The following RANBP3L variants were observed in gnomAD, a reference collection of about 807,000 sequenced individuals.
RANBP3L encodes the protein RAN binding protein 3 like.
RANBP3L carries 56 observed loss-of-function variants against 67.2 expected under a neutral mutation model. The observed-to-expected ratio is 0.83, with a 90% CI of 0.67 to 1.04. The LOEUF (loss-of-function observed/expected upper bound fraction) is 1.04, where lower values mean the gene tolerates loss of function less well. Among genes scored for constraint, RANBP3L ranks in the 50% least tolerant of loss-of-function variants. The probability of loss-of-function intolerance (pLI) is 0.00; values close to 1 mark genes in which losing one functional copy is unlikely to be tolerated. For missense variants in RANBP3L, 496 were observed against 535.5 expected, an observed-to-expected ratio of 0.93 and a Z score of 0.73; for synonymous variants, 164 against 181.4, an observed-to-expected ratio of 0.90 and a Z score of 0.77.
rs1237074016 is a variant in RANBP3L, at chr5:36,264,989, A to C, written c.450T>G (p.Ser150=). Residue 150 remains serine (S), a synonymous_variant, in exon 6 of 14, where the codon TCT becomes TCG. Transcript: ENST00000296604. ...RKTFGHKALE[S]CKTKEKTNNK... ...TATTTGTTTTTTCTTTAGTCTTGCA[A>C]GATTCCAGTGCCTTGTGTCCAAATG... 1 of 1,613,686 alleles carries C rather than the reference A, an allele frequency of 6.2e-7. No individual in the cohort carries two copies. Among genetic ancestry groups the C allele is most frequent in the Non-Finnish European group, 8.5e-7 (1 of 1,179,858 alleles).
chr5:36,290,775 AGACTG>A (rs1751682811), intron 1 of RANBP3L, among the ~76,000 whole-genome samples: 2 of 121,724 alleles, frequency 1.6e-5, no homozygotes, highest in African/African-American at 3.3e-5. Context: ...TCTGTTGCCC[AGACTG>A]GAGTGCAGTG....
At chr5:36,289,678 T>C (rs1320362773) in intron 1 of RANBP3L, among the ~76,000 whole-genome samples, 1 of 152,184 alleles carries the variant, frequency 6.6e-6, no homozygotes, top group Admixed American at 6.6e-5. Flanking sequence ...AATTTCCACT[T>C]GTTGTCAGCT....
chr5:36,250,041 T>G (rs1035893484), intron 13 of RANBP3L, among the ~76,000 whole-genome samples: 1 of 151,994 alleles, frequency 6.6e-6, no homozygotes, highest in Non-Finnish European at 1.5e-5. Flanking sequence ...TTGCTTTGCC[T>G]TATTTTCATT....
chr5:36,281,634 TGA>T (rs1750979608), intron 1 of RANBP3L, among the ~76,000 whole-genome samples: 1 of 152,154 alleles, frequency 6.6e-6, no homozygotes, highest in Admixed American at 6.6e-5. Context: ...CTATATTGTG[TGA>T]GTCTTCCTGC....
intron 6 of RANBP3L, among the ~76,000 whole-genome samples, chr5:36,263,637 C>A (rs138024936): frequency 2.4e-4 from 36 of 152,206 alleles, no homozygotes; most frequent in Admixed American, 7.2e-4. Context: ...TTCACTGCAA[C>A]CTCCACTTCC....
At chr5:36,295,087 AG>A (rs1355495211) in intron 1 of RANBP3L, among the ~76,000 whole-genome samples, 1 of 151,872 alleles carries the variant, frequency 6.6e-6, no homozygotes, top group Non-Finnish European at 1.5e-5. Context: ...CCATGAGCAT[AG>A]GTGCACAAGT....
intron 4 of RANBP3L, chr5:36,268,306 G>C (rs996812079): frequency 7.1e-7 from 1 of 1,411,194 alleles, no homozygotes; most frequent in African/African-American, 1.5e-5. Flanking sequence ...TAAGAAAGTG[G>C]GTTTTTTGTT....
intron 1 of RANBP3L, among the ~76,000 whole-genome samples, chr5:36,278,686 G>C (rs557436008): frequency 1.9e-3 from 291 of 152,196 alleles, no homozygotes; most frequent in Non-Finnish European, 2.8e-3. Flanking sequence ...CTACAATTCA[G>C]TGTAAGGTGA....
At chr5:36,291,913 C>T (rs1273297814) in intron 1 of RANBP3L, among the ~76,000 whole-genome samples, 2 of 135,916 alleles carry the variant, frequency 1.5e-5, no homozygotes, top group East Asian at 4.0e-4. Flanking sequence ...TGGGTATATA[C>T]CCAGTAATGG....
chr5:36,256,852 G>T, intron 10 of RANBP3L, 89 bp downstream of exon 10: 2 of 1,224,120 alleles, frequency 1.6e-6, no homozygotes, highest in Non-Finnish European at 1.2e-6. Flanking sequence ...CTATACTTCT[G>T]TCTGTATTTT....
chr5:36,258,104 C>T (rs1056824305), intron 8 of RANBP3L, among the ~76,000 whole-genome samples: 1 of 151,976 alleles, frequency 6.6e-6, no homozygotes, highest in Non-Finnish European at 1.5e-5. Flanking sequence ...ATCCAGAGAC[C>T]CCCACAAGAT....
intron 4 of RANBP3L, among the ~76,000 whole-genome samples, chr5:36,266,787 C>T (rs1209470125): frequency 6.6e-6 from 1 of 151,590 alleles, no homozygotes; most frequent in Non-Finnish European, 1.5e-5. Context: ...GATTGAGTCT[C>T]TCTCTGTCAT....
At chr5:36,284,199 G>A (rs1220484261) in intron 1 of RANBP3L, among the ~76,000 whole-genome samples, 1 of 152,106 alleles carries the variant, frequency 6.6e-6, no homozygotes, top group Non-Finnish European at 1.5e-5. Context: ...GCTTTAGTTA[G>A]TATCAAAAGA....
chr5:36,288,536 A>C (rs72744600), intron 1 of RANBP3L, among the ~76,000 whole-genome samples: 33,014 of 152,034 alleles, frequency 0.22, 4,213 homozygotes, highest in Non-Finnish European at 0.28. Context: ...TTTTGGGTTT[A>C]ATTATATAAG....
chr5:36,280,821 T>C, intron 1 of RANBP3L, among the ~76,000 whole-genome samples: 1 of 152,266 alleles, frequency 6.6e-6, no homozygotes, highest in African/African-American at 2.4e-5. Context: ...TTTGAATTAT[T>C]ATTTTTTCTT....
chr5:36,261,363 G>A (rs375573630), intron 7 of RANBP3L, among the ~76,000 whole-genome samples: 1 of 152,006 alleles, frequency 6.6e-6, no homozygotes, highest in Non-Finnish European at 1.5e-5. Flanking sequence ...CCGGAAGCCC[G>A]CTCTTTGTAG....
chr5:36,300,036 C>T (rs2112196477), intron 1 of RANBP3L, among the ~76,000 whole-genome samples: 1 of 152,204 alleles, frequency 6.6e-6, no homozygotes, highest in African/African-American at 2.4e-5. Context: ...TAGGCTCACC[C>T]CCACCAAATT....
intron 1 of RANBP3L, among the ~76,000 whole-genome samples, chr5:36,290,663 T>A (rs78883957): frequency 7.4e-6 from 1 of 135,770 alleles, no homozygotes; most frequent in African/African-American, 2.7e-5. Flanking sequence ...TTTTTTTTTT[T>A]ATTTTGTGTG....
intron 12 of RANBP3L, among the ~76,000 whole-genome samples, chr5:36,253,277 A>G (rs28479931): frequency 0.023 from 3,537 of 152,024 alleles, 163 homozygotes; most frequent in South Asian, 0.2. Context: ...GCTTTTTTCA[A>G]TCTCAGCTTG....
Sources: gnomAD v4.1 joint callset for allele counts (sites outside exome capture counted in the v4.1 genomes callset) on GRCh38, gnomAD v4.1.1 for gene constraint, MANE v1.5 for transcripts, NCBI Gene and HGNC (gene_info 2026-07-23, HGNC 2026-07-21) for gene names.